The following XKR6 variants were observed in gnomAD, a reference collection of about 807,000 sequenced individuals.
The protein encoded by XKR6 is XK-related protein 6.
A neutral mutation model predicts 56.7 loss-of-function variants in XKR6; 22 were observed. The observed-to-expected ratio is 0.39, with a 90% CI of 0.28 to 0.55. The LOEUF (loss-of-function observed/expected upper bound fraction) is 0.55. Among genes scored for constraint, XKR6 ranks in the 20% least tolerant of loss-of-function variants. The pLI is 0.66. For missense variants in XKR6, 852 were observed against 889.0 expected, an observed-to-expected ratio of 0.96 and a Z score of 0.53; for synonymous variants, 524 against 387.8, an observed-to-expected ratio of 1.35 and a Z score of -4.13.
At chr8:11,057,163 T>G (rs1236518321) in intron 1 of XKR6, among the ~76,000 whole-genome samples, 1 of 152,210 alleles carries the variant, frequency 6.6e-6, no homozygotes, top group African/African-American at 2.4e-5. Flanking sequence ...TGGATCCTAT[T>G]TGTCACCCAA....
chr8:11,002,406 T>C, intron 1 of XKR6: 1 of 396,054 alleles, frequency 2.5e-6, no homozygotes, highest in Non-Finnish European at 5.4e-6. Context: ...TCTGTTGGCC[T>C]GGGGGAGGCC....
At chr8:11,018,158 T>TTGGCCCCCCCCCC in intron 1 of XKR6, among the ~76,000 whole-genome samples, 1 of 142,614 alleles carries the variant, frequency 7.0e-6, no homozygotes, top group African/African-American at 2.6e-5. Context: ...CTGACCTGAA[T>TTGGCCCCCCCCCC]CCCCCCCACC....
chr8:11,078,226 C>A (rs1032892679), intron 1 of XKR6, among the ~76,000 whole-genome samples: 1 of 152,198 alleles, frequency 6.6e-6, no homozygotes, highest in Non-Finnish European at 1.5e-5. Context: ...GAAGAACTGA[C>A]ACTTATTGAA....
chr8:10,983,185 A>T (rs1797775136), intron 1 of XKR6, among the ~76,000 whole-genome samples: 1 of 152,326 alleles, frequency 6.6e-6, no homozygotes, highest in Middle Eastern at 3.4e-3. Context: ...TAATAAAATT[A>T]AAAAGTAATG....
In XKR6 at chr8:10,898,322, C is replaced by G. The variant is rs150353639; in HGVS notation, c.1556G>C (p.Gly519Ala). 3 of 1,613,984 alleles carry G rather than the reference C, an allele frequency of 1.9e-6. No individual in the cohort carries two copies. Among genetic ancestry groups the G allele is most frequent in the Non-Finnish European group, 8.5e-7 (1 of 1,179,930 alleles). ...ASSCCAELLWGIPLPPDVEPM... is the reference protein window; with the variant it reads ...ASSCCAELLWAIPLPPDVEPM... Reference sequence around the variant, plus strand: ...CTCAACATCGGGGGGCAAAGGGATGCCCCAGAGCAGCTCGGCACAACAGGA... The same window carrying G: ...CTCAACATCGGGGGGCAAAGGGATGGCCCAGAGCAGCTCGGCACAACAGGA... The change falls in exon 3 of 3, where the codon GGC (glycine) becomes GCC (alanine). Residue 519 changes from glycine to alanine, a missense_variant. By Grantham distance (60) the Gly-to-Ala change is moderately conservative. Coordinates refer to ENST00000416569, the MANE Select transcript of XKR6 (RefSeq NM_173683.4). The surrounding 1 kb of genome is among the most constrained non-coding windows in gnomAD (Gnocchi z 6.6).
chr8:11,104,834 T>A (rs943948620), intron 1 of XKR6: 19 of 152,214 alleles, frequency 1.2e-4, no homozygotes, highest in African/African-American at 4.6e-4. Context: ...TGTAAATGAT[T>A]TCCTAAATGC....
intron 1 of XKR6, among the ~76,000 whole-genome samples, chr8:10,984,728 C>CTATATATATATA (rs1176002840): frequency 9.9e-4 from 66 of 66,832 alleles, no homozygotes; most frequent in African/African-American, 3.6e-3. Flanking sequence ...CTCTCTCTCT[C>CTATATATATATA]TCTCTATATA....
chr8:11,198,875 T>C (rs934446601), intron 1 of XKR6, among the ~76,000 whole-genome samples: 6 of 152,048 alleles, frequency 3.9e-5, no homozygotes, highest in Admixed American at 6.5e-5. Flanking sequence ...CCCTGCTTCA[T>C]TCCTGGCATC....
chr8:10,923,461 C>T (rs1357012516), intron 2 of XKR6, among the ~76,000 whole-genome samples: 2 of 152,246 alleles, frequency 1.3e-5, no homozygotes, highest in African/African-American at 4.8e-5. Context: ...CATCTGGGTT[C>T]ATAACCAGGT....
At chr8:11,036,547 A>G (rs374912919) in intron 1 of XKR6, among the ~76,000 whole-genome samples, 2 of 152,220 alleles carry the variant, frequency 1.3e-5, no homozygotes, top group African/African-American at 4.8e-5. Flanking sequence ...GGTGGGGTCC[A>G]GGAATCTGCA....
At chr8:11,102,162 C>G (rs990702706) in intron 1 of XKR6, among the ~76,000 whole-genome samples, 1 of 152,168 alleles carries the variant, frequency 6.6e-6, no homozygotes, top group Admixed American at 6.6e-5. Flanking sequence ...TAAACATCGT[C>G]TTTTTCACAT....
intron 1 of XKR6, among the ~76,000 whole-genome samples, chr8:11,059,361 T>A (rs982426934): frequency 1.5e-4 from 23 of 152,298 alleles, no homozygotes; most frequent in African/African-American, 5.1e-4. Flanking sequence ...TGGCTTGCGT[T>A]TTCCCTCTCC....
intron 1 of XKR6, chr8:11,136,975 G>A (rs1586598457): frequency 6.6e-6 from 1 of 152,150 alleles, no homozygotes; most frequent in African/African-American, 2.4e-5. Context: ...AGAAAAAAAT[G>A]GTAAATATGA....
chr8:11,032,351 G>A (rs1469461604), intron 1 of XKR6, among the ~76,000 whole-genome samples: 1 of 152,194 alleles, frequency 6.6e-6, no homozygotes, highest in Non-Finnish European at 1.5e-5. Context: ...GTTTTGCAGA[G>A]AGAAAACATA....
intron 1 of XKR6, among the ~76,000 whole-genome samples, chr8:11,015,065 A>G (rs1798587225): frequency 6.6e-6 from 1 of 152,206 alleles, no homozygotes; most frequent in African/African-American, 2.4e-5. Context: ...TTCCCAGAAC[A>G]GACAAAACTC....
At position 10,924,685 on chromosome 8, in the gene XKR6, C is replaced by G. The variant is rs1387765312; in HGVS notation, c.910G>C (p.Val304Leu). ...ETFLESAPQL[V>L]LQLYIMLQKN... is the part of the protein sequence containing the mutation. ...TGGAGCATGATGTAGAGCTGTAGCA[C>G]CAGTTGGGGCGCGCTCTCCAGGAAG... The change falls in exon 2 of 3, where the codon GTG becomes CTG. Residue 304 changes from valine (V) to leucine (L), a missense_variant. Around this residue, in one of 4 missense-constraint regions of XKR6, gnomAD observed 199 missense variants for 280.4 expected, o/e 0.71. Transcript: ENST00000416569. 1 of 1,613,160 alleles carries G rather than the reference C, an allele frequency of 6.2e-7. No individual in the cohort carries two copies. The highest frequency in any genetic ancestry group is 1.1e-5 in the South Asian group (1 of 91,018).
chr8:11,135,739 G>C (rs1458221737), intron 1 of XKR6, among the ~76,000 whole-genome samples: 1 of 148,630 alleles, frequency 6.7e-6, no homozygotes, highest in Non-Finnish European at 1.5e-5. Flanking sequence ...AATTAAAGAA[G>C]GAAAAGGAGA....
intron 1 of XKR6, among the ~76,000 whole-genome samples, chr8:11,019,020 C>T (rs537037146): frequency 2.8e-4 from 43 of 152,252 alleles, no homozygotes; most frequent in Non-Finnish European, 4.6e-4. Flanking sequence ...CCTCAGGCCC[C>T]CTCACCCACT....
intron 1 of XKR6, among the ~76,000 whole-genome samples, chr8:11,076,214 G>C (rs893773346): frequency 2.0e-5 from 3 of 152,208 alleles, no homozygotes; most frequent in African/African-American, 7.2e-5. Flanking sequence ...GCCAGGGGCT[G>C]AGGGAAAGGG....
Sources: gnomAD v4.1 joint callset for allele counts (sites outside exome capture counted in the v4.1 genomes callset) on GRCh38, gnomAD v4.1.1 for gene constraint, gnomAD v4.1.1 regional missense constraint, Gnocchi (gnomAD v3.1) non-coding constraint, MANE v1.5 for transcripts, NCBI Gene and HGNC (gene_info 2026-07-23, HGNC 2026-07-21) for gene names.